RBMS3: variants seen among roughly 807,000 people sequenced by gnomAD.
RBMS3 encodes RNA binding motif single stranded interacting protein 3.
RBMS3 carries 27 observed loss-of-function variants against 66.8 expected under a neutral mutation model. The observed-to-expected ratio is 0.40, with a 90% CI of 0.30 to 0.56. RBMS3 has a LOEUF of 0.56. Ranked by LOEUF, RBMS3 falls within the 20% of genes least tolerant of loss-of-function variation. RBMS3 has a pLI of 0.40. For missense variants in RBMS3, 513 were observed against 549.5 expected (o/e 0.93, Z 0.66); for synonymous variants, 188 against 183.0 (o/e 1.03, Z -0.22).
At chr3:29,366,387 TTTTG>T (rs1053735367) in intron 1 of RBMS3, among the ~76,000 whole-genome samples, 3 of 152,124 alleles carry the variant, frequency 2.0e-5, no homozygotes, top group African/African-American at 7.2e-5. Flanking sequence ...TGAATCCTTT[TTTTG>T]TTTGTTTGTT....
At chr3:29,831,265 G>A (rs966340491) in intron 6 of RBMS3, among the ~76,000 whole-genome samples, 4 of 152,130 alleles carry the variant, frequency 2.6e-5, no homozygotes, top group African/African-American at 7.2e-5. Context: ...TATGCCAATC[G>A]AATTCTCCTT....
At chr3:29,306,530 G>A (rs994607705) in intron 1 of RBMS3, among the ~76,000 whole-genome samples, 1 of 151,910 alleles carries the variant, frequency 6.6e-6, no homozygotes, top group Non-Finnish European at 1.5e-5. Flanking sequence ...TTCACAGAAA[G>A]TAAGTAATGT....
intron 12 of RBMS3, among the ~76,000 whole-genome samples, chr3:29,969,387 TGATTC>T (rs1354234963): frequency 6.6e-6 from 1 of 152,242 alleles, no homozygotes; most frequent in Admixed American, 6.5e-5. Context: ...AGAAATTGAT[TGATTC>T]ATGTATATAA....
chr3:29,942,175 C>T (rs971209540), intron 11 of RBMS3, among the ~76,000 whole-genome samples: 1 of 151,556 alleles, frequency 6.6e-6, no homozygotes, highest in Non-Finnish European at 1.5e-5. Flanking sequence ...AGCATGAAAT[C>T]GTAAGAGAAA....
At chr3:29,770,585 T>A (rs933602653) in intron 6 of RBMS3, among the ~76,000 whole-genome samples, 2 of 151,984 alleles carry the variant, frequency 1.3e-5, no homozygotes, top group African/African-American at 4.8e-5. Flanking sequence ...ACCACCTTCA[T>A]AACTTATTTC....
At chr3:29,408,069 G>A (rs1439259289) in intron 1 of RBMS3, among the ~76,000 whole-genome samples, 8 of 151,884 alleles carry the variant, frequency 5.3e-5, no homozygotes, top group African/African-American at 1.4e-4. Flanking sequence ...TCAGGAGATC[G>A]AGACCATCCT....
chr3:29,502,141 G>A (rs2043998961), intron 3 of RBMS3, among the ~76,000 whole-genome samples: 1 of 151,972 alleles, frequency 6.6e-6, no homozygotes, highest in Admixed American at 6.6e-5. Context: ...CTTAAAACCA[G>A]CCCGCTTCAC....
At chr3:29,947,561 G>A (rs1217593018) in intron 12 of RBMS3, among the ~76,000 whole-genome samples, 2 of 151,312 alleles carry the variant, frequency 1.3e-5, no homozygotes, top group African/African-American at 4.8e-5. Context: ...ATCTCTGCTA[G>A]GCCTTACCTA....
chr3:29,448,216 A>G (rs572013612), intron 2 of RBMS3, among the ~76,000 whole-genome samples: 1 of 152,336 alleles, frequency 6.6e-6, no homozygotes, highest in Non-Finnish European at 1.5e-5. Flanking sequence ...ACAAACCAGA[A>G]AAAGGCCATA....
intron 3 of RBMS3, among the ~76,000 whole-genome samples, chr3:29,524,615 A>G (rs28687584): frequency 1.6e-5 from 1 of 60,696 alleles, no homozygotes; most frequent in East Asian, 3.0e-4. Context: ...TTATTTATTT[A>G]TTTTTTTTAG....
At chr3:29,492,637 G>A (rs903649545) in intron 3 of RBMS3, among the ~76,000 whole-genome samples, 2 of 152,076 alleles carry the variant, frequency 1.3e-5, no homozygotes, top group African/African-American at 4.8e-5. Flanking sequence ...ATTCTAAATG[G>A]GAGATTTTAG....
At chr3:29,571,101 T>C (rs1435857568) in intron 3 of RBMS3, among the ~76,000 whole-genome samples, 1 of 152,132 alleles carries the variant, frequency 6.6e-6, no homozygotes, top group Non-Finnish European at 1.5e-5. Flanking sequence ...CCTTTCCATA[T>C]GCCTGTTTGC....
chr3:29,477,586 C>T (rs9883437), intron 2 of RBMS3, among the ~76,000 whole-genome samples: 97,281 of 151,758 alleles, frequency 0.64, 32,276 homozygotes, highest in African/African-American at 0.81. Flanking sequence ...CATTTTATCA[C>T]TGATACAATT....
At chr3:29,758,958 A>G (rs748915105) in intron 5 of RBMS3, among the ~76,000 whole-genome samples, 1 of 152,192 alleles carries the variant, frequency 6.6e-6, no homozygotes, top group African/African-American at 2.4e-5. Context: ...CTAATTAACC[A>G]TAATAAATGA....
intron 12 of RBMS3, among the ~76,000 whole-genome samples, chr3:29,966,767 TC>T (rs1696875055): frequency 1.3e-5 from 2 of 152,178 alleles, no homozygotes; most frequent in Admixed American, 1.3e-4. Context: ...CTTGTCTTGT[TC>T]CAGTTCTCAG....
In RBMS3 at chr3:29,434,698, G is replaced by C. The variant is rs142382921; in HGVS notation, c.76-45G>C. Reference sequence around the variant, plus strand: ...AAGTTGTGCTGCTGGCCTGTGAATAGGTGCTGGCTTTTGTTTTTCCAGTAA... The same window carrying C: ...AAGTTGTGCTGCTGGCCTGTGAATACGTGCTGGCTTTTGTTTTTCCAGTAA... On this transcript the variant is annotated intron_variant, in intron 1 of 14. Transcript: ENST00000383767. The C allele has an allele frequency of 1.3e-4, 200 of 1,582,022 alleles. No homozygotes were observed. In the East Asian group the frequency reaches 4.3e-3, roughly 34 times the overall value.
At chr3:29,351,578 CT>C (rs1238186395) in intron 1 of RBMS3, among the ~76,000 whole-genome samples, 2 of 151,918 alleles carry the variant, frequency 1.3e-5, no homozygotes, top group African/African-American at 4.8e-5. Flanking sequence ...TTTGTATTGT[CT>C]TTTACTGACT....
In RBMS3 at chr3:29,768,673, A is replaced by G. The variant is rs113129913; in HGVS notation, c.637+5684A>G. ...GTCTTCTACAAACTTTGGGGGAGTTATCACCCCCTGGGATAGCCTCCAATC... is the reference window on the plus strand; with the variant it reads ...GTCTTCTACAAACTTTGGGGGAGTTGTCACCCCCTGGGATAGCCTCCAATC... On this transcript the variant is annotated intron_variant, in intron 6 of 14. Coordinates refer to ENST00000383767, the MANE Select transcript of RBMS3 (RefSeq NM_001003793.3). Among the ~76,000 whole-genome samples the G allele has an allele frequency of 4.5e-3, 684 of 151,996 alleles. 10 individuals are homozygous for G. The highest frequency in any genetic ancestry group is 0.016 in the African/African-American group (662 of 41,506).
intron 3 of RBMS3, among the ~76,000 whole-genome samples, chr3:29,582,897 TG>T (rs1484437043): frequency 1.3e-5 from 2 of 152,168 alleles, no homozygotes; most frequent in East Asian, 3.8e-4. Flanking sequence ...CAGGGTTACT[TG>T]AGACATTTTT....
Sources: allele counts gnomAD v4.1 joint callset (sites outside exome capture counted in the v4.1 genomes callset), GRCh38; gene constraint gnomAD v4.1.1; transcripts MANE v1.5; gene names NCBI Gene and HGNC (gene_info 2026-07-23, HGNC 2026-07-21).